ATRNL1: variants seen among roughly 807,000 people sequenced by gnomAD.
ATRNL1 encodes the protein attractin like 1.
Under a neutral mutation model 182.7 loss-of-function variants are expected in ATRNL1, and 95 were observed. That is an observed-to-expected ratio of 0.52 (90% CI 0.44 to 0.62). The LOEUF (loss-of-function observed/expected upper bound fraction) is 0.62. ATRNL1 is among the 20% of genes least tolerant of loss of function. The pLI is 0.00. For synonymous variants in ATRNL1, 576 were observed against 568.3 expected (o/e 1.01, Z -0.19); for missense variants, 1,471 against 1,679.5 (o/e 0.88, Z 2.17).
intron 27 of ATRNL1, among the ~76,000 whole-genome samples, chr10:115,793,983 C>A (rs1358333417): frequency 3.3e-5 from 5 of 152,062 alleles, no homozygotes; most frequent in Non-Finnish European, 7.4e-5. Context: ...AAAAACAAAG[C>A]TTTATTGATG....
chr10:115,325,510 T>A (rs1230475675), intron 18 of ATRNL1, among the ~76,000 whole-genome samples: 1 of 152,182 alleles, frequency 6.6e-6, no homozygotes, highest in Non-Finnish European at 1.5e-5. Flanking sequence ...ATTACCAGAC[T>A]TTTTTCAGCA....
At chr10:115,769,377 G>A (rs1555075790) in intron 27 of ATRNL1, among the ~76,000 whole-genome samples, 1 of 152,068 alleles carries the variant, frequency 6.6e-6, no homozygotes, top group South Asian at 2.1e-4. Flanking sequence ...ACAACACTGT[G>A]GGCTCAGAAT....
At chr10:115,650,279 C>T (rs983909796) in intron 26 of ATRNL1, among the ~76,000 whole-genome samples, 1 of 152,078 alleles carries the variant, frequency 6.6e-6, no homozygotes, top group Non-Finnish European at 1.5e-5. Flanking sequence ...TCAGCGTATG[C>T]AGAGCTGACA....
intron 5 of ATRNL1, among the ~76,000 whole-genome samples, chr10:115,134,014 C>CATACCAG (rs1554875917): frequency 1.3e-5 from 2 of 150,220 alleles, no homozygotes; most frequent in East Asian, 2.0e-4. Flanking sequence ...CAAAGACACA[C>CATACCAG]AATCTCTGGG....
chr10:115,440,372 T>A (rs12221189), intron 21 of ATRNL1, among the ~76,000 whole-genome samples: 33,621 of 151,732 alleles, frequency 0.22, 4,688 homozygotes, highest in Non-Finnish European at 0.31. Flanking sequence ...TTAAAAATTT[T>A]ATGGGTTTCC....
intron 3 of ATRNL1, among the ~76,000 whole-genome samples, chr10:115,123,934 A>G (rs1844852051): frequency 1.3e-5 from 2 of 151,276 alleles, no homozygotes; most frequent in South Asian, 2.1e-4. Flanking sequence ...ACTGTCTCCC[A>G]TCAGCCCCAG....
intron 5 of ATRNL1, among the ~76,000 whole-genome samples, chr10:115,152,014 A>G (rs1207255269): frequency 4.6e-5 from 7 of 152,230 alleles, no homozygotes; most frequent in Admixed American, 3.3e-4. Context: ...GTCAAAGATC[A>G]GATGGCTGTA....
At chr10:115,353,579 G>A (rs1263527743) in intron 19 of ATRNL1, among the ~76,000 whole-genome samples, 1 of 151,970 alleles carries the variant, frequency 6.6e-6, no homozygotes, top group Admixed American at 6.6e-5. Context: ...ATTGTTGAAA[G>A]GTTAGGACTT....
At chr10:115,792,994 G>C (rs1049901330) in intron 27 of ATRNL1, among the ~76,000 whole-genome samples, 2 of 151,926 alleles carry the variant, frequency 1.3e-5, no homozygotes, top group African/African-American at 4.8e-5. Flanking sequence ...GTATTTGGAA[G>C]AATACAAATA....
chr10:115,168,715 A>G (rs547241163), intron 7 of ATRNL1, among the ~76,000 whole-genome samples: 4 of 152,088 alleles, frequency 2.6e-5, no homozygotes, highest in Non-Finnish European at 5.9e-5. Flanking sequence ...ACAAGCCATT[A>G]TCAGGTAAAT....
intron 1 of ATRNL1, among the ~76,000 whole-genome samples, chr10:115,097,444 C>T (rs1331131177): frequency 2.0e-5 from 3 of 152,162 alleles, no homozygotes; most frequent in Admixed American, 6.5e-5. Context: ...TGTAATCACG[C>T]CACTGCGCTC....
At chr10:115,213,708 G>C (rs1023230124) in intron 8 of ATRNL1, among the ~76,000 whole-genome samples, 2 of 151,932 alleles carry the variant, frequency 1.3e-5, no homozygotes, top group African/African-American at 4.8e-5. Flanking sequence ...AATTTTTCTA[G>C]CTTTGAATTT....
intron 19 of ATRNL1, among the ~76,000 whole-genome samples, chr10:115,389,540 G>GTATGTA (rs1843870917): frequency 1.1e-4 from 5 of 44,488 alleles, no homozygotes; most frequent in African/African-American, 3.0e-4. Context: ...ATGTGTATGT[G>GTATGTA]TATATATATA....
intron 20 of ATRNL1, among the ~76,000 whole-genome samples, chr10:115,414,688 C>CTG (rs1845303816): frequency 1.3e-5 from 2 of 151,826 alleles, no homozygotes; most frequent in African/African-American, 4.8e-5. Flanking sequence ...GCTGTATGAG[C>CTG]TGTGTGTGTT....
chr10:115,383,434 T>G (rs77904696), intron 19 of ATRNL1, among the ~76,000 whole-genome samples: 2,068 of 152,042 alleles, frequency 0.014, 48 homozygotes, highest in African/African-American at 0.046. Context: ...AAAAGTAACA[T>G]GCATGCTAGA....
At chr10:115,499,571 T>A (rs1849712404) in intron 24 of ATRNL1, among the ~76,000 whole-genome samples, 1 of 152,106 alleles carries the variant, frequency 6.6e-6, no homozygotes, top group Admixed American at 6.5e-5. Flanking sequence ...TAGGGAGACA[T>A]AAGACATTAA....
chr10:115,944,917 A>G lies in ATRNL1; in HGVS notation c.*138A>G, dbSNP rs923911932. The G allele has an allele frequency of 2.9e-6, 3 of 1,030,572 alleles. No individual in the cohort carries two copies. Among genetic ancestry groups the G allele is most frequent in the Admixed American group, 2.9e-5 (1 of 34,112 alleles). 63.8% of individuals were successfully genotyped at this position (1,030,572 alleles called of 1,614,324 possible). On this transcript the variant is annotated 3_prime_UTR_variant, in exon 29 of 29. Coordinates refer to ENST00000355044, the MANE Select transcript of ATRNL1 (RefSeq NM_207303.4). Reference sequence around the variant, plus strand: ...AGTACAGTTTCCTTCCAAATGGACAATGACCCAGGTGGCCAAAGAATGTTC... The same window carrying G: ...AGTACAGTTTCCTTCCAAATGGACAGTGACCCAGGTGGCCAAAGAATGTTC...
Position 115,389,564 on chromosome 10 carries a change from A to G in ATRNL1, c.3176-5095A>G, listed in dbSNP as rs1448392998. 2.3e-3 allele frequency among the ~76,000 whole-genome samples: 262 copies of G among 112,848 alleles called. 18 individuals are homozygous for G. Among genetic ancestry groups the G allele is most frequent in the African/African-American group, 6.2e-3 (184 of 29,532 alleles). The allele number at this position is 112,848 out of a possible 152,430, so 74.0% of individuals were successfully genotyped here. A position where few individuals can be genotyped will look rare whatever the true frequency, so the allele number is the denominator to read the frequency against. On this transcript the variant is annotated intron_variant, in intron 19 of 28. Coordinates refer to ENST00000355044, the MANE Select transcript of ATRNL1 (RefSeq NM_207303.4). Reference sequence around the variant, plus strand: ...TGTATATATATATATATATATATATATATATATATATATATATATATATAT... The same window carrying G: ...TGTATATATATATATATATATATATGTATATATATATATATATATATATAT...
rs182714160 is a variant in ATRNL1 at position 115,750,512 on chromosome 10, G to A, written c.3903+23157G>A. On this transcript the variant is annotated intron_variant, in intron 27 of 28. Coordinates refer to ENST00000355044, the MANE Select transcript of ATRNL1 (RefSeq NM_207303.4). Reference sequence around the variant, plus strand: ...AATTCAAAAACTATTATGTTACTAGGAGAAAACAAAGGTGAATTACTCTGT... The same window carrying A: ...AATTCAAAAACTATTATGTTACTAGAAGAAAACAAAGGTGAATTACTCTGT... Among the ~76,000 whole-genome samples, 9 of 151,686 alleles carry A rather than the reference G, an allele frequency of 5.9e-5. No homozygotes were observed. The East Asian group carries it at 1.2e-3, about 20-fold the overall frequency.
Sources: gnomAD v4.1 joint callset for allele counts (sites outside exome capture counted in the v4.1 genomes callset) on GRCh38, gnomAD v4.1.1 for gene constraint, MANE v1.5 for transcripts, NCBI Gene and HGNC (gene_info 2026-07-23, HGNC 2026-07-21) for gene names.